Variants in RNF13 observed in about 807,000 individuals in gnomAD.
RNF13 encodes the protein E3 ubiquitin-protein ligase RNF13.
RNF13 carries 19 observed loss-of-function variants against 37.7 expected under a neutral mutation model. The ratio of observed to expected loss-of-function variants is 0.50; its 90% CI spans 0.35 to 0.74. The LOEUF is 0.74. Among genes scored for constraint, RNF13 ranks in the 30% least tolerant of loss-of-function variants. The probability of loss-of-function intolerance (pLI) is 0.01; values close to 1 mark genes in which losing one functional copy is unlikely to be tolerated. For synonymous variants in RNF13, 144 were observed against 157.8 expected, an observed-to-expected ratio of 0.91 and a Z score of 0.65; for missense variants, 375 against 453.0, an observed-to-expected ratio of 0.83 and a Z score of 1.56.
intron 4 of RNF13, among the ~76,000 whole-genome samples, chr3:149,891,081 T>C (rs1003126012): frequency 6.6e-6 from 1 of 152,218 alleles, no homozygotes; most frequent in Non-Finnish European, 1.5e-5. Context: ...TTAATGATCC[T>C]GAGCCTCATC....
intron 6 of RNF13, among the ~76,000 whole-genome samples, chr3:149,907,034 G>A (rs563199419): frequency 7.9e-5 from 12 of 152,094 alleles, no homozygotes; most frequent in African/African-American, 2.9e-4. Context: ...TTTATGCCAA[G>A]GTATTTTATT....
At chr3:149,873,979 T>G (rs1712394097) in intron 4 of RNF13, among the ~76,000 whole-genome samples, 1 of 152,212 alleles carries the variant, frequency 6.6e-6, no homozygotes, top group South Asian at 2.1e-4. Flanking sequence ...AGTCTTTTGC[T>G]TATGTGTCTA....
chr3:149,824,856 ATG>A lies in RNF13; in HGVS notation c.-17+11506_-17+11507del, dbSNP rs1394988324. Among the ~76,000 whole-genome samples, 7 of 150,608 alleles carry A rather than the reference ATG, an allele frequency of 4.6e-5. No homozygotes were observed. In the East Asian group the frequency reaches 1.4e-3, roughly 29 times the overall value. ...TAACTTATTTTAAGTTCAGGAGTACATGTGCAGGTTTGTTATATAGGTAAACT... is the reference window on the plus strand; with the variant it reads ...TAACTTATTTTAAGTTCAGGAGTACATGCAGGTTTGTTATATAGGTAAACT... On this transcript the variant is annotated intron_variant, in intron 1 of 9. Transcript: ENST00000392894.
chr3:149,947,643 G>C (rs184529890), intron 8 of RNF13, among the ~76,000 whole-genome samples: 1 of 151,940 alleles, frequency 6.6e-6, no homozygotes. Flanking sequence ...CTGGTGATCC[G>C]ACCGCCTGGG....
At chr3:149,885,299 T>C (rs1418403826) in intron 4 of RNF13, among the ~76,000 whole-genome samples, 11 of 152,108 alleles carry the variant, frequency 7.2e-5, no homozygotes, top group Non-Finnish European at 8.8e-5. Context: ...TTTTGAGGAA[T>C]CTCCAAGCCG....
At chr3:149,860,858 T>C (rs1229134792) in intron 3 of RNF13, among the ~76,000 whole-genome samples, 1 of 152,084 alleles carries the variant, frequency 6.6e-6, no homozygotes, top group East Asian at 1.9e-4. Flanking sequence ...TTGCAAACTC[T>C]CCATGTGACA....
chr3:149,951,379 TAAG>T (rs1000909528), intron 8 of RNF13, among the ~76,000 whole-genome samples: 1 of 152,260 alleles, frequency 6.6e-6, no homozygotes, highest in African/African-American at 2.4e-5. Flanking sequence ...CTATGGTTCC[TAAG>T]AAATCAGTGC....
intron 4 of RNF13, among the ~76,000 whole-genome samples, chr3:149,879,821 T>G (rs1375891109): frequency 6.6e-6 from 1 of 152,236 alleles, no homozygotes; most frequent in Non-Finnish European, 1.5e-5. Context: ...GAAAGTCTCT[T>G]TGTAAGGCCA....
At chr3:149,926,680 G>C (rs962777509) in intron 8 of RNF13, among the ~76,000 whole-genome samples, 1 of 152,064 alleles carries the variant, frequency 6.6e-6, no homozygotes, top group African/African-American at 2.4e-5. Flanking sequence ...TTTATATAAG[G>C]GTATCCAGTT....
At chr3:149,948,756 G>A (rs1003349422) in intron 8 of RNF13, among the ~76,000 whole-genome samples, 8 of 152,184 alleles carry the variant, frequency 5.3e-5, no homozygotes, top group Admixed American at 2.0e-4. Context: ...GCCACGTGCC[G>A]TGACTCATGG....
chr3:149,842,028 A>G (rs2108365348), intron 1 of RNF13, among the ~76,000 whole-genome samples: 1 of 152,230 alleles, frequency 6.6e-6, no homozygotes, highest in Admixed American at 6.5e-5. Flanking sequence ...CATTCATTTT[A>G]AAGTTCTTTT....
At position 149,898,495 on chromosome 3, in the gene RNF13, C is replaced by G. The variant is rs78241471; in HGVS notation, c.409+2935C>G. Among the ~76,000 whole-genome samples, 100 of 152,142 alleles carry G rather than the reference C, an allele frequency of 6.6e-4. 1 individual carries two copies. In the East Asian group the frequency reaches 0.019, roughly 30 times the overall value. On this transcript the variant is annotated intron_variant, in intron 5 of 9. Coordinates refer to ENST00000392894, the MANE Select transcript of RNF13 (RefSeq NM_183381.3). ...GGGTACTGCTTGTTAGGGTTTGAAT[C>G]CCAGCTTTACCACCTAGTAGCTGTA...
intron 1 of RNF13, among the ~76,000 whole-genome samples, chr3:149,818,059 C>G (rs1719643580): frequency 6.6e-6 from 1 of 152,144 alleles, no homozygotes; most frequent in South Asian, 2.1e-4. Flanking sequence ...CTGTCAAGTT[C>G]TCAGTAAACC....
At chr3:149,822,620 T>G (rs1720095246) in intron 1 of RNF13, 1 of 152,198 alleles carries the variant, frequency 6.6e-6, no homozygotes, top group South Asian at 2.1e-4. Context: ...AAATATGTTT[T>G]TAGCATAGTG....
At chr3:149,930,545 C>T (rs1576554476) in intron 8 of RNF13, among the ~76,000 whole-genome samples, 1 of 151,990 alleles carries the variant, frequency 6.6e-6, no homozygotes, top group East Asian at 1.9e-4. Flanking sequence ...GATGTCTTTG[C>T]CTAGTTGTGA....
In RNF13 at chr3:149,833,176, A is replaced by G. The variant is rs190464658; in HGVS notation, c.-16-12835A>G. Among the ~76,000 whole-genome samples the G allele has an allele frequency of 9.8e-5, 14 of 142,310 alleles. No individual in the cohort carries two copies. The East Asian group carries it at 1.4e-3, about 14-fold the overall frequency. The allele number at this position is 142,310 out of a possible 152,430, so 93.4% of individuals were successfully genotyped here. A position where few individuals can be genotyped will look rare whatever the true frequency, so the allele number is the denominator to read the frequency against. On this transcript the variant is annotated intron_variant, in intron 1 of 9. Transcript: ENST00000392894. Reference sequence around the variant, plus strand: ...ACTCTGTTGCCTAGGCTGGAGTGCAATGGTGTGATCTTGGCTCACTGCAAC... The same window carrying G: ...ACTCTGTTGCCTAGGCTGGAGTGCAGTGGTGTGATCTTGGCTCACTGCAAC...
At chr3:149,869,809 G>A (rs1254200196) in intron 3 of RNF13, among the ~76,000 whole-genome samples, 2 of 151,796 alleles carry the variant, frequency 1.3e-5, no homozygotes, top group African/African-American at 4.8e-5. Context: ...TTTGGTTAGA[G>A]GTTATTTACT....
chr3:149,853,717 T>TA lies in RNF13; in HGVS notation c.195+1122dup, dbSNP rs1490810213. ...TTCTTTTTCCTCTACCTCTGGGGGT[T>TA]AGAAAGTCCTTTCTCATTCCAAGAT... is the stretch of plus-strand genomic sequence containing the variant. On this transcript the variant is annotated intron_variant, in intron 3 of 9. Transcript: ENST00000392894. Among the ~76,000 whole-genome samples, 4 of 152,128 alleles carry TA rather than the reference T, an allele frequency of 2.6e-5. No individual in the cohort carries two copies. The East Asian group carries it at 7.7e-4, about 29-fold the overall frequency.
intron 1 of RNF13, among the ~76,000 whole-genome samples, chr3:149,825,289 TC>T (rs1559888338): frequency 6.6e-6 from 1 of 151,952 alleles, no homozygotes; most frequent in Non-Finnish European, 1.5e-5. Flanking sequence ...TGATTCAGCC[TC>T]CTAAGTAGCC....
Sources: allele counts gnomAD v4.1 joint callset (sites outside exome capture counted in the v4.1 genomes callset), GRCh38; gene constraint gnomAD v4.1.1; transcripts MANE v1.5; gene names NCBI Gene and HGNC (gene_info 2026-07-23, HGNC 2026-07-21).